The following STIM2 variants were observed in gnomAD, a reference collection of about 807,000 sequenced individuals.
STIM2 encodes stromal interaction molecule 2.
A neutral mutation model predicts 85.8 loss-of-function variants in STIM2; 31 were observed. That is an observed-to-expected ratio of 0.36 (90% CI 0.27 to 0.49). The LOEUF (loss-of-function observed/expected upper bound fraction) is 0.49, where lower values mean the gene tolerates loss of function less well. Ranked by LOEUF, STIM2 falls within the 20% of genes least tolerant of loss-of-function variation. The pLI, the probability that STIM2 is intolerant of heterozygous loss-of-function variation, is 0.98. For synonymous variants in STIM2, 356 were observed against 331.1 expected (o/e 1.08, Z -0.82); for missense variants, 841 against 927.6 (o/e 0.91, Z 1.21).
In STIM2 at chr4:27,017,915, C is replaced by G. The variant is rs766337823; in HGVS notation, c.1694C>G (p.Ser565Ter). 1.9e-6 allele frequency: 3 copies of G among 1,614,146 alleles called. No homozygotes were observed. The highest frequency in any genetic ancestry group is 2.5e-6 in the Non-Finnish European group (3 of 1,180,034). ...CCTGATCCAGATATCCTCTCAGTGT[C>G]AAGTTGCCCTGCGCTTTATCGAAAT... Residue 565 changes from serine to a stop codon, truncating the protein, a stop_gained, in exon 11 of 12, where the codon TCA becomes TGA. Transcript: ENST00000467087. LOFTEE classifies it high-confidence loss of function.
At chr4:26,865,349 G>A (rs528352363) in intron 1 of STIM2, among the ~76,000 whole-genome samples, 1 of 152,282 alleles carries the variant, frequency 6.6e-6, no homozygotes, top group Admixed American at 6.5e-5. Context: ...ACTGGCCTCT[G>A]TTGGGAATCT....
intron 2 of STIM2, among the ~76,000 whole-genome samples, chr4:26,943,847 C>T (rs1026672231): frequency 1.3e-5 from 2 of 152,070 alleles, no homozygotes; most frequent in African/African-American, 4.8e-5. Flanking sequence ...CCTGTAGTCA[C>T]ACTGAAAATT....
intron 1 of STIM2, among the ~76,000 whole-genome samples, chr4:26,866,511 C>G (rs1342488038): frequency 6.6e-6 from 1 of 152,118 alleles, no homozygotes; most frequent in Admixed American, 6.5e-5. Context: ...GGTAGGACTT[C>G]TTGTGGAGAT....
chr4:26,910,176 A>G (rs1724282618), intron 1 of STIM2, among the ~76,000 whole-genome samples: 1 of 152,186 alleles, frequency 6.6e-6, no homozygotes, highest in Admixed American at 6.5e-5. Context: ...ACAATGTTAT[A>G]TACAGAAACA....
intron 3 of STIM2, among the ~76,000 whole-genome samples, chr4:26,971,935 C>T (rs879654422): frequency 6.6e-6 from 1 of 152,126 alleles, no homozygotes; most frequent in Non-Finnish European, 1.5e-5. Flanking sequence ...ATTTGTAGTT[C>T]TCCTTGAAGA....
intron 2 of STIM2, among the ~76,000 whole-genome samples, chr4:26,935,176 C>T (rs527753572): frequency 4.6e-5 from 7 of 152,140 alleles, no homozygotes; most frequent in Admixed American, 2.0e-4. Context: ...TGATTTTGGA[C>T]GCCATTGATT....
At chr4:26,927,886 A>T (rs1577442922) in intron 2 of STIM2, among the ~76,000 whole-genome samples, 1 of 142,540 alleles carries the variant, frequency 7.0e-6, no homozygotes, top group Non-Finnish European at 1.5e-5. Context: ...ATTAATATAT[A>T]ATATAAATAT....
chr4:26,880,608 T>A (rs1339416814), intron 1 of STIM2, among the ~76,000 whole-genome samples: 2 of 146,752 alleles, frequency 1.4e-5, no homozygotes, highest in South Asian at 2.1e-4. Flanking sequence ...TTCATATATA[T>A]AAATATATAT....
Position 26,896,970 on chromosome 4 carries a change from C to T in STIM2, c.152-22534C>T, listed in dbSNP as rs75678760. Among the ~76,000 whole-genome samples the T allele has an allele frequency of 3.6e-3, 554 of 152,276 alleles. 2 individuals are homozygous for T. The highest frequency in any genetic ancestry group is 0.013 in the African/African-American group (544 of 41,546). On this transcript the variant is annotated intron_variant, in intron 1 of 11. Transcript: ENST00000467087. ...AGATTATGAAATGTTCTGATGGTGG[C>T]CCTTTTCATTCAGCATAATACTCTT...
chr4:27,020,371 T>C (rs1251875864), intron 11 of STIM2, among the ~76,000 whole-genome samples: 2 of 152,234 alleles, frequency 1.3e-5, no homozygotes, highest in African/African-American at 4.8e-5. Flanking sequence ...GAAATGCCTC[T>C]ATCAATGATT....
At chr4:26,904,439 T>G (rs1724046967) in intron 1 of STIM2, among the ~76,000 whole-genome samples, 1 of 152,086 alleles carries the variant, frequency 6.6e-6, no homozygotes, top group South Asian at 2.1e-4. Flanking sequence ...GAAGGAGCAG[T>G]CAGTAAGGAG....
chr4:26,872,750 AT>A (rs1343374043), intron 1 of STIM2, among the ~76,000 whole-genome samples: 1 of 152,214 alleles, frequency 6.6e-6, no homozygotes, highest in Non-Finnish European at 1.5e-5. Flanking sequence ...TACAAATACT[AT>A]TTTGAGTTGT....
At chr4:26,889,534 C>T (rs954256279) in intron 1 of STIM2, among the ~76,000 whole-genome samples, 3 of 152,188 alleles carry the variant, frequency 2.0e-5, no homozygotes, top group Admixed American at 6.5e-5. Context: ...AAGAACAAAA[C>T]AGTGCCCCAT....
intron 2 of STIM2, among the ~76,000 whole-genome samples, chr4:26,934,491 A>T (rs892123902): frequency 2.0e-5 from 3 of 152,218 alleles, no homozygotes; most frequent in African/African-American, 7.2e-5. Flanking sequence ...TCTAATTTTC[A>T]TGGCCACTGT....
In STIM2 at chr4:26,991,256, A is replaced by G. The variant is rs1727755268; in HGVS notation, c.398-4123A>G. Among the ~76,000 whole-genome samples, 4 of 152,164 alleles carry G rather than the reference A, an allele frequency of 2.6e-5. No homozygotes were observed. The South Asian group carries it at 8.3e-4, about 31-fold the overall frequency. On this transcript the variant is annotated intron_variant, in intron 3 of 11. Transcript: ENST00000467087. ...AATGGAATATTATTCAGCCATAAAA[A>G]AGAATAAAATCCCGTTATTTACAGC...
intron 1 of STIM2, among the ~76,000 whole-genome samples, chr4:26,881,907 A>G (rs1723028606): frequency 6.6e-6 from 1 of 152,200 alleles, no homozygotes; most frequent in Admixed American, 6.5e-5. Flanking sequence ...GCTTCCTAGA[A>G]GCATACTATT....
At chr4:26,996,379 A>C (rs1727961317) in intron 4 of STIM2, among the ~76,000 whole-genome samples, 1 of 152,068 alleles carries the variant, frequency 6.6e-6, no homozygotes. Context: ...GATTTCCTAC[A>C]TCCAAAAAGA....
chr4:26,931,020 G>T (rs903110310), intron 2 of STIM2, among the ~76,000 whole-genome samples: 1 of 151,974 alleles, frequency 6.6e-6, no homozygotes, highest in African/African-American at 2.4e-5. Context: ...CCTGATTAGG[G>T]GAGGATCCAC....
intron 3 of STIM2, among the ~76,000 whole-genome samples, chr4:26,974,056 C>T (rs1178053516): frequency 1.3e-5 from 2 of 152,154 alleles, no homozygotes; most frequent in East Asian, 1.9e-4. Flanking sequence ...AGGATTGCAA[C>T]TGCTGCTTTT....
Sources: gnomAD v4.1 joint callset for allele counts (sites outside exome capture counted in the v4.1 genomes callset) on GRCh38, gnomAD v4.1.1 for gene constraint, MANE v1.5 for transcripts, NCBI Gene and HGNC (gene_info 2026-07-23, HGNC 2026-07-21) for gene names.